Variants in SPAG17 observed in about 807,000 individuals in gnomAD.
The protein encoded by SPAG17 is sperm associated antigen 17, also known as sperm-associated antigen 17.
A neutral mutation model predicts 273.6 loss-of-function variants in SPAG17; 169 were observed. The ratio of observed to expected loss-of-function variants is 0.62; its 90% CI spans 0.55 to 0.70. The LOEUF is 0.70. Among genes scored for constraint, SPAG17 ranks in the 30% least tolerant of loss-of-function variants. SPAG17 has a pLI of 0.00. For synonymous variants in SPAG17, 825 were observed against 873.2 expected (o/e 0.94, Z 0.97); for missense variants, 2,557 against 2,627.8 (o/e 0.97, Z 0.59).
intron 4 of SPAG17, among the ~76,000 whole-genome samples, chr1:118,106,130 T>C (rs890128522): frequency 3.9e-5 from 6 of 152,224 alleles, no homozygotes; most frequent in Non-Finnish European, 7.3e-5. Context: ...TTAATGCTGA[T>C]GGGTCTGTCC....
rs57793942 is a variant in SPAG17, at chr1:118,135,371, A to ATGTGTG, written c.315+15166_315+15171dup. Among the ~76,000 whole-genome samples, 176 of 140,022 alleles carry ATGTGTG rather than the reference A, an allele frequency of 1.3e-3. 1 individual carries two copies. The highest frequency in any genetic ancestry group is 3.8e-3 in the African/African-American group (141 of 37,568). 91.9% of individuals were successfully genotyped at this position (140,022 alleles called of 152,430 possible). ...AAACTGTGGTTTATCAGCTCAAGCA[A>ATGTGTG]TGTGTGTGTGTGTGTGTGTGTGTGT... On this transcript the variant is annotated intron_variant, in intron 3 of 48. Transcript: ENST00000336338.
At chr1:118,052,856 T>C (rs1016715492) in intron 20 of SPAG17, among the ~76,000 whole-genome samples, 1 of 152,008 alleles carries the variant, frequency 6.6e-6, no homozygotes, top group Non-Finnish European at 1.5e-5. Flanking sequence ...TAATATGCCA[T>C]GAACATATAG....
chr1:118,170,160 A>G (rs1285474314), intron 1 of SPAG17, among the ~76,000 whole-genome samples: 1 of 152,172 alleles, frequency 6.6e-6, no homozygotes, highest in Non-Finnish European at 1.5e-5. Context: ...TTCATATTTC[A>G]AAGTAAATCA....
intron 3 of SPAG17, among the ~76,000 whole-genome samples, chr1:118,118,130 T>A (rs1208972819): frequency 1.3e-5 from 2 of 152,188 alleles, no homozygotes; most frequent in Non-Finnish European, 2.9e-5. Flanking sequence ...AAGGACAAGT[T>A]TTTGAGGGAA....
At chr1:118,015,875 A>T in intron 29 of SPAG17, 90 bp downstream of exon 29, 2 of 1,139,274 alleles carry the variant, frequency 1.8e-6, no homozygotes, top group East Asian at 4.9e-5. Flanking sequence ...CATTTATTGA[A>T]AAAATATTAT....
rs1651617544 is a variant in SPAG17 at position 118,055,871 on chromosome 1, T to C, written c.2584A>G (p.Thr862Ala). 6.2e-7 allele frequency: 1 copy of C among 1,611,322 alleles called. No homozygotes were observed. Among genetic ancestry groups the C allele is most frequent in the Non-Finnish European group, 8.5e-7 (1 of 1,179,284 alleles). Reference sequence around the variant, plus strand: ...TCCTGATATATAGCTTCTTCTTTTGTAATCCAATCTTGAATAGATTTTGCA... The same window carrying C: ...TCCTGATATATAGCTTCTTCTTTTGCAATCCAATCTTGAATAGATTTTGCA... ...LVAKSIQDWI[T>A]KEEAIYQESK... Residue 862 changes from threonine to alanine, a missense_variant, in exon 19 of 49, where the codon ACA becomes GCA. Physicochemically the swap from Thr to Ala is moderately conservative, Grantham distance 58. Coordinates refer to ENST00000336338, the MANE Select transcript of SPAG17 (RefSeq NM_206996.4).
At chr1:118,054,218 GT>G (rs970756210) in intron 19 of SPAG17, 125 bp from the exon 20 acceptor site, 1 of 625,336 alleles carries the variant, frequency 1.6e-6, no homozygotes, top group Non-Finnish European at 2.7e-6. Context: ...TTTATCTCTG[GT>G]TTTTTTCTTG....
chr1:118,077,223 C>T (rs1344699389), intron 15 of SPAG17, among the ~76,000 whole-genome samples: 2 of 152,034 alleles, frequency 1.3e-5, no homozygotes, highest in African/African-American at 4.8e-5. Flanking sequence ...ACAACATCAA[C>T]AACAACAAAG....
chr1:118,028,845 C>T (rs1222862378), intron 25 of SPAG17, among the ~76,000 whole-genome samples: 1 of 152,150 alleles, frequency 6.6e-6, no homozygotes, highest in East Asian at 1.9e-4. Context: ...GTGATTAAGT[C>T]ATGAGGGCTC....
At chr1:118,068,048 A>G (rs922259382) in intron 17 of SPAG17, among the ~76,000 whole-genome samples, 1 of 152,078 alleles carries the variant, frequency 6.6e-6, no homozygotes, top group Non-Finnish European at 1.5e-5. Context: ...AAAATAAATT[A>G]GACAGCTGTG....
At chr1:118,132,767 ATTTTC>A (rs58219610) in intron 3 of SPAG17, among the ~76,000 whole-genome samples, 14 of 150,296 alleles carry the variant, frequency 9.3e-5, no homozygotes, top group African/African-American at 1.5e-4. Context: ...AAGCGTGAAC[ATTTTC>A]TTTTCTTTTC....
chr1:118,016,280 A>G (rs1399241877), intron 28 of SPAG17, 98 bp from the exon 29 acceptor site: 2 of 855,792 alleles, frequency 2.3e-6, no homozygotes, highest in African/African-American at 1.7e-5. Context: ...ACTACCTCAG[A>G]TACTGTGGCA....
chr1:118,054,692 T>A (rs951247381), intron 19 of SPAG17, among the ~76,000 whole-genome samples: 5 of 152,002 alleles, frequency 3.3e-5, no homozygotes, highest in African/African-American at 4.8e-5. Context: ...GCCCTACCCA[T>A]TTTTTTAAAA....
chr1:118,138,617 C>A (rs1047643004), intron 3 of SPAG17, among the ~76,000 whole-genome samples: 1 of 152,078 alleles, frequency 6.6e-6, no homozygotes, highest in Non-Finnish European at 1.5e-5. Context: ...CCCACATATA[C>A]AAACCATTGT....
intron 1 of SPAG17, among the ~76,000 whole-genome samples, chr1:118,167,903 T>A (rs1660245945): frequency 6.6e-6 from 1 of 152,076 alleles, no homozygotes; most frequent in Non-Finnish European, 1.5e-5. Context: ...TCTCGTGACA[T>A]GTGGTCATTT....
rs759026246 is a variant in SPAG17 at position 117,991,397 on chromosome 1, T to C, written c.5475+18A>G. 2.8e-6 allele frequency: 4 copies of C among 1,454,202 alleles called. No individual in the cohort carries two copies. The highest frequency in any genetic ancestry group is 3.8e-6 in the Non-Finnish European group (4 of 1,052,778). The allele number at this position is 1,454,202 out of a possible 1,614,324, so 90.1% of individuals were successfully genotyped here. On this transcript the variant is annotated intron_variant, in intron 37 of 48. Coordinates refer to ENST00000336338, the MANE Select transcript of SPAG17 (RefSeq NM_206996.4). Reference sequence around the variant, plus strand: ...TGAAACAATAGTAAGAACATGGGTATACAAGGCATTTTCTCACCATAACCA... The same window carrying C: ...TGAAACAATAGTAAGAACATGGGTACACAAGGCATTTTCTCACCATAACCA...
chr1:118,015,473 A>C (rs1255178336), intron 29 of SPAG17, among the ~76,000 whole-genome samples: 1 of 152,064 alleles, frequency 6.6e-6, no homozygotes, highest in Non-Finnish European at 1.5e-5. Context: ...ATCTCTTTCA[A>C]TATACCATAA....
At chr1:118,001,509 G>T (rs955983650) in intron 32 of SPAG17, among the ~76,000 whole-genome samples, 6 of 152,144 alleles carry the variant, frequency 3.9e-5, no homozygotes, top group Non-Finnish European at 8.8e-5. Context: ...CCTGTTATTG[G>T]TCTATTCAGA....
chr1:118,144,463 G>C (rs1337131756), intron 3 of SPAG17, among the ~76,000 whole-genome samples: 2 of 152,072 alleles, frequency 1.3e-5, no homozygotes, highest in Middle Eastern at 3.2e-3. Flanking sequence ...CCCAGATTTT[G>C]GCACAAGAAC....
Sources: gnomAD v4.1 joint callset for allele counts (sites outside exome capture counted in the v4.1 genomes callset) on GRCh38, gnomAD v4.1.1 for gene constraint, MANE v1.5 for transcripts, NCBI Gene and HGNC (gene_info 2026-07-23, HGNC 2026-07-21) for gene names.